The following CHRM3 variants were observed in gnomAD, a reference collection of about 807,000 sequenced individuals.
The protein encoded by CHRM3 is cholinergic receptor muscarinic 3, also known as muscarinic acetylcholine receptor M3.
In CHRM3, 11 loss-of-function variants were observed where a neutral mutation model predicts 41.8. That is an observed-to-expected ratio of 0.26 (90% CI 0.17 to 0.44). The LOEUF is 0.44. Ranked by LOEUF, CHRM3 falls within the 20% of genes least tolerant of loss-of-function variation. The probability of loss-of-function intolerance (pLI) is 1.00; values close to 1 mark genes in which losing one functional copy is unlikely to be tolerated. For missense variants in CHRM3, 571 were observed against 745.4 expected, an observed-to-expected ratio of 0.77 and a Z score of 2.72; for synonymous variants, 297 against 301.4, an observed-to-expected ratio of 0.99 and a Z score of 0.15.
At chr1:239,788,648 C>T (rs1323463779) in intron 5 of CHRM3, among the ~76,000 whole-genome samples, 5 of 152,110 alleles carry the variant, frequency 3.3e-5, no homozygotes, top group African/African-American at 1.2e-4. Context: ...CACCTGTAAT[C>T]CTAGCTACTC....
At chr1:239,723,575 T>C (rs543295193) in intron 5 of CHRM3, among the ~76,000 whole-genome samples, 1 of 152,080 alleles carries the variant, frequency 6.6e-6, no homozygotes, top group African/African-American at 2.4e-5. Flanking sequence ...ATATCTGTAA[T>C]AATTGCTGCC....
chr1:239,662,895 C>CCTCTTCTTCTT (rs1673365952), intron 4 of CHRM3, among the ~76,000 whole-genome samples: 1 of 116,992 alleles, frequency 8.5e-6, no homozygotes, highest in Non-Finnish European at 1.9e-5. Flanking sequence ...TCCTCCTCCT[C>CCTCTTCTTCTT]TTCTTCTTCT....
chr1:239,685,602 C>T (rs1659055657), intron 5 of CHRM3, among the ~76,000 whole-genome samples: 1 of 152,104 alleles, frequency 6.6e-6, no homozygotes, highest in Non-Finnish European at 1.5e-5. Flanking sequence ...GTGAGCAGAT[C>T]ACCTGAGGTC....
chr1:239,602,124 A>G (rs1383047479), intron 3 of CHRM3, among the ~76,000 whole-genome samples: 3 of 76,018 alleles, frequency 3.9e-5, no homozygotes, highest in African/African-American at 1.0e-4. Context: ...ATATATATAT[A>G]TATATATATA....
At chr1:239,804,257 G>A (rs543565891) in intron 5 of CHRM3, among the ~76,000 whole-genome samples, 2 of 152,222 alleles carry the variant, frequency 1.3e-5, no homozygotes, top group East Asian at 1.9e-4. Flanking sequence ...ACGCAGGAGT[G>A]AAGAATGAGA....
At chr1:239,508,397 G>T (rs1315598607) in intron 2 of CHRM3, among the ~76,000 whole-genome samples, 2 of 152,092 alleles carry the variant, frequency 1.3e-5, no homozygotes, top group African/African-American at 4.8e-5. Context: ...TGACCATAAA[G>T]GAATTCTTTG....
chr1:239,499,641 G>A (rs756789802), intron 2 of CHRM3, among the ~76,000 whole-genome samples: 50 of 152,098 alleles, frequency 3.3e-4, no homozygotes, highest in Non-Finnish European at 5.6e-4. Flanking sequence ...GTAGAAATCC[G>A]CAAAAGGATC....
At chr1:239,483,365 G>T (rs1254733888) in intron 1 of CHRM3, among the ~76,000 whole-genome samples, 1 of 152,164 alleles carries the variant, frequency 6.6e-6, no homozygotes, top group Non-Finnish European at 1.5e-5. Context: ...AGCTAATCAT[G>T]CTGTTCTTGG....
chr1:239,506,990 G>T (rs540183213), intron 2 of CHRM3, among the ~76,000 whole-genome samples: 43 of 152,276 alleles, frequency 2.8e-4, no homozygotes, highest in Non-Finnish European at 5.7e-4. Flanking sequence ...TGGAATGGTT[G>T]TATTTACCCA....
chr1:239,809,589 C>G (rs1429647428), intron 5 of CHRM3, among the ~76,000 whole-genome samples: 1 of 152,046 alleles, frequency 6.6e-6, no homozygotes, highest in East Asian at 1.9e-4. Flanking sequence ...CCTCAACTTC[C>G]CAGGCTCAAG....
intron 6 of CHRM3, among the ~76,000 whole-genome samples, chr1:239,856,123 C>G (rs1419061322): frequency 6.6e-6 from 1 of 152,048 alleles, no homozygotes; most frequent in African/African-American, 2.4e-5. Flanking sequence ...TGTCCTATCT[C>G]TATGTTCACA....
chr1:239,408,619 AGACTATGTT>A (rs1660827089), intron 1 of CHRM3, among the ~76,000 whole-genome samples: 1 of 152,012 alleles, frequency 6.6e-6, no homozygotes, highest in South Asian at 2.1e-4. Context: ...ACAGCAATCA[AGACTATGTT>A]GGCCCAGGAT....
intron 4 of CHRM3, among the ~76,000 whole-genome samples, chr1:239,650,984 A>G (rs138043856): frequency 2.0e-3 from 304 of 152,334 alleles, no homozygotes; most frequent in African/African-American, 6.8e-3. Flanking sequence ...AAGTATACAT[A>G]TATGCATAAT....
intron 5 of CHRM3, among the ~76,000 whole-genome samples, chr1:239,818,858 C>G (rs1444422583): frequency 6.6e-6 from 1 of 152,168 alleles, no homozygotes; most frequent in Non-Finnish European, 1.5e-5. Flanking sequence ...AGGGTTAAAG[C>G]TAAGTGGACT....
At chr1:239,901,435 G>A (rs944772356) in intron 6 of CHRM3, among the ~76,000 whole-genome samples, 4 of 151,362 alleles carry the variant, frequency 2.6e-5, no homozygotes, top group African/African-American at 4.9e-5. Flanking sequence ...AAATACCACT[G>A]CTAATATATG....
intron 5 of CHRM3, among the ~76,000 whole-genome samples, chr1:239,825,492 G>A (rs941078283): frequency 6.6e-6 from 1 of 152,110 alleles, no homozygotes; most frequent in African/African-American, 2.4e-5. Flanking sequence ...ATGACTGTAA[G>A]TTCTCGTGGT....
At chr1:239,523,683 TA>T (rs1275923185) in intron 2 of CHRM3, among the ~76,000 whole-genome samples, 1 of 152,274 alleles carries the variant, frequency 6.6e-6, no homozygotes, top group African/African-American at 2.4e-5. Flanking sequence ...AAGTGTACCC[TA>T]GGGGCATCCA....
intron 5 of CHRM3, among the ~76,000 whole-genome samples, chr1:239,803,136 C>A (rs1670348695): frequency 6.6e-6 from 1 of 152,026 alleles, no homozygotes; most frequent in African/African-American, 2.4e-5. Context: ...TTGGGGGTAA[C>A]ATGGTGAAGG....
At chr1:239,813,896 G>A (rs1248255681) in intron 5 of CHRM3, among the ~76,000 whole-genome samples, 4 of 107,900 alleles carry the variant, frequency 3.7e-5, no homozygotes, top group Admixed American at 3.0e-4. Flanking sequence ...CAGCCTGGGC[G>A]ACAGAGCGAG....
Sources: allele counts gnomAD v4.1 joint callset (sites outside exome capture counted in the v4.1 genomes callset), GRCh38; gene constraint gnomAD v4.1.1; transcripts MANE v1.5; gene names NCBI Gene and HGNC (gene_info 2026-07-23, HGNC 2026-07-21).